The following MARCHF1 variants were observed in gnomAD, a reference collection of about 807,000 sequenced individuals.
MARCHF1 encodes E3 ubiquitin-protein ligase MARCHF1.
A neutral mutation model predicts 54.2 loss-of-function variants in MARCHF1; 40 were observed. The observed-to-expected ratio is 0.74, with a 90% CI of 0.57 to 0.96. The LOEUF (loss-of-function observed/expected upper bound fraction) is 0.96, where lower values mean the gene tolerates loss of function less well. Among genes scored for constraint, MARCHF1 ranks in the 40% least tolerant of loss-of-function variants. MARCHF1 has a pLI of 0.00. For missense variants in MARCHF1, 586 were observed against 656.5 expected, an observed-to-expected ratio of 0.89 and a Z score of 1.17; for synonymous variants, 236 against 236.3, an observed-to-expected ratio of 1.00 and a Z score of 0.01.
At chr4:164,242,069 C>T (rs1281016284) in intron 1 of MARCHF1, among the ~76,000 whole-genome samples, 1 of 152,192 alleles carries the variant, frequency 6.6e-6, no homozygotes, top group Non-Finnish European at 1.5e-5. Context: ...CCGCCATTGC[C>T]CAGCCTTGAT....
At chr4:163,751,812 G>A (rs1746530407) in intron 4 of MARCHF1, among the ~76,000 whole-genome samples, 1 of 134,044 alleles carries the variant, frequency 7.5e-6, no homozygotes, top group African/African-American at 2.6e-5. Flanking sequence ...GCACGTGTGT[G>A]TGTGTGTGTG....
At chr4:164,108,120 T>TA (rs1755748054) in intron 2 of MARCHF1, among the ~76,000 whole-genome samples, 1 of 152,102 alleles carries the variant, frequency 6.6e-6, no homozygotes, top group South Asian at 2.1e-4. Context: ...CTTTTGTGAC[T>TA]ATCTCTGAAC....
intron 1 of MARCHF1, among the ~76,000 whole-genome samples, chr4:164,263,739 C>A (rs370958245): frequency 6.6e-5 from 10 of 152,186 alleles, no homozygotes; most frequent in East Asian, 1.9e-4. Flanking sequence ...CAAACACACA[C>A]AAAAAAGTTC....
chr4:164,023,436 A>G (rs75940152), intron 2 of MARCHF1, among the ~76,000 whole-genome samples: 2,122 of 152,288 alleles, frequency 0.014, 43 homozygotes, highest in African/African-American at 0.045. Context: ...AGCACCATCT[A>G]TTGGATCATA....
chr4:163,550,507 C>CT lies in MARCHF1; in HGVS notation c.1192-4765dup, dbSNP rs35963243. 4.4e-3 allele frequency among the ~76,000 whole-genome samples: 621 copies of CT among 142,212 alleles called. 5 individuals are homozygous for CT. Among genetic ancestry groups the CT allele is most frequent in the African/African-American group, 0.011 (445 of 38,892 alleles). 93.3% of individuals were successfully genotyped at this position (142,212 alleles called of 152,430 possible). On this transcript the variant is annotated intron_variant, in intron 8 of 9. Coordinates refer to ENST00000514618, the MANE Select transcript of MARCHF1 (RefSeq NM_001394959.1). The stretch of plus-strand genomic sequence containing the variant: ...CCAAACAGTAGCTAGTACGGTAGCC[C>CT]TTTTTTTTTTTTTTTTTGGTACCGC...
chr4:163,935,382 A>G (rs774381731), intron 3 of MARCHF1, among the ~76,000 whole-genome samples: 3 of 152,194 alleles, frequency 2.0e-5, no homozygotes, highest in Non-Finnish European at 4.4e-5. Context: ...ATCTGTTTTT[A>G]AAGGTAGACA....
intron 1 of MARCHF1, among the ~76,000 whole-genome samples, chr4:164,345,678 T>C (rs1158147454): frequency 6.6e-6 from 1 of 151,812 alleles, no homozygotes; most frequent in African/African-American, 2.4e-5. Flanking sequence ...CACGCAAATT[T>C]GACTTTGCTT....
chr4:163,974,216 T>C (rs1446663534), intron 3 of MARCHF1, among the ~76,000 whole-genome samples: 3 of 152,150 alleles, frequency 2.0e-5, no homozygotes, highest in Non-Finnish European at 4.4e-5. Flanking sequence ...TTTCAATCAA[T>C]AGAGGATGGT....
At chr4:163,627,228 T>G (rs910000203) in intron 5 of MARCHF1, among the ~76,000 whole-genome samples, 2 of 152,182 alleles carry the variant, frequency 1.3e-5, no homozygotes, top group East Asian at 1.9e-4. Context: ...TGAGAACATC[T>G]CTTGCATTTT....
intron 4 of MARCHF1, among the ~76,000 whole-genome samples, chr4:163,776,386 TA>T (rs1747306552): frequency 6.6e-6 from 1 of 150,976 alleles, no homozygotes; most frequent in African/African-American, 2.4e-5. Context: ...TTATAAATAA[TA>T]AATAATATAC....
chr4:164,185,810 A>ACACACACACACACACACACAC (rs1553990115), intron 1 of MARCHF1, among the ~76,000 whole-genome samples: 1 of 64,814 alleles, frequency 1.5e-5, no homozygotes, highest in African/African-American at 7.2e-5. Context: ...ACACACACAC[A>ACACACACACACACACACACAC]AAAAAAAAAA....
intron 5 of MARCHF1, among the ~76,000 whole-genome samples, chr4:163,664,725 A>G (rs1239547547): frequency 6.6e-6 from 1 of 152,078 alleles, no homozygotes; most frequent in African/African-American, 2.4e-5. Context: ...ATAAACTCTC[A>G]AAGATACTCC....
chr4:164,159,276 A>G (rs1730165106), intron 1 of MARCHF1, among the ~76,000 whole-genome samples: 1 of 152,198 alleles, frequency 6.6e-6, no homozygotes, highest in African/African-American at 2.4e-5. Context: ...GTGCAAAAGT[A>G]ATCGTGGATT....
At chr4:164,274,348 T>C (rs891456033) in intron 1 of MARCHF1, among the ~76,000 whole-genome samples, 2 of 152,164 alleles carry the variant, frequency 1.3e-5, no homozygotes, top group African/African-American at 4.8e-5. Context: ...AATATCTATA[T>C]CAAAAATGGC....
intron 1 of MARCHF1, among the ~76,000 whole-genome samples, chr4:164,364,540 T>G (rs1353434754): frequency 6.6e-6 from 1 of 152,056 alleles, no homozygotes; most frequent in East Asian, 1.9e-4. Flanking sequence ...AACATACATT[T>G]TACAACTCTC....
intron 1 of MARCHF1, among the ~76,000 whole-genome samples, chr4:164,154,065 A>G (rs2110917267): frequency 6.6e-6 from 1 of 152,338 alleles, no homozygotes; most frequent in Non-Finnish European, 1.5e-5. Context: ...TGGGTTATAT[A>G]TGTGAAATAT....
At chr4:164,258,391 T>TATAATA (rs201820317) in intron 1 of MARCHF1, among the ~76,000 whole-genome samples, 14,201 of 145,870 alleles carry the variant, frequency 0.097, 966 homozygotes, top group Admixed American at 0.2. Flanking sequence ...GAACTTAAAG[T>TATAATA]ATAATAATAA....
chr4:163,949,823 T>C (rs1752098344), intron 3 of MARCHF1, among the ~76,000 whole-genome samples: 1 of 151,952 alleles, frequency 6.6e-6, no homozygotes, highest in African/African-American at 2.4e-5. Context: ...TCCTGTCCTC[T>C]GCTCAGCTCT....
chr4:163,963,966 C>G (rs910653731), intron 3 of MARCHF1, among the ~76,000 whole-genome samples: 1 of 151,858 alleles, frequency 6.6e-6, no homozygotes, highest in Non-Finnish European at 1.5e-5. Context: ...GCCCAGTAAA[C>G]CCCCAGAACC....
Sources: allele counts gnomAD v4.1 joint callset (sites outside exome capture counted in the v4.1 genomes callset), GRCh38; gene constraint gnomAD v4.1.1; transcripts MANE v1.5; gene names NCBI Gene and HGNC (gene_info 2026-07-23, HGNC 2026-07-21).